ASIC2: variants seen among roughly 807,000 people sequenced by gnomAD.
ASIC2 encodes the protein acid sensing ion channel subunit 2.
In ASIC2, 25 loss-of-function variants were observed where a neutral mutation model predicts 57.3. The observed-to-expected ratio is 0.44, with a 90% CI of 0.32 to 0.61. The LOEUF (loss-of-function observed/expected upper bound fraction) is 0.61, where lower values mean the gene tolerates loss of function less well. ASIC2 is among the 20% of genes least tolerant of loss of function. ASIC2 has a pLI of 0.06. For synonymous variants in ASIC2, 319 were observed against 307.5 expected (o/e 1.04, Z -0.39); for missense variants, 641 against 738.1 (o/e 0.87, Z 1.52).
intron 1 of ASIC2, among the ~76,000 whole-genome samples, chr17:34,148,539 G>A (rs1283512875): frequency 6.6e-6 from 1 of 152,190 alleles, no homozygotes; most frequent in East Asian, 1.9e-4. Context: ...AGGCCATTTT[G>A]ACATAGAATC....
At chr17:33,206,247 T>C (rs760506775) in intron 1 of ASIC2, among the ~76,000 whole-genome samples, 1 of 152,048 alleles carries the variant, frequency 6.6e-6, no homozygotes, top group Non-Finnish European at 1.5e-5. Flanking sequence ...ACCCATTTGG[T>C]GATGAGGTCG....
chr17:33,312,967 G>A (rs142257743), intron 1 of ASIC2, among the ~76,000 whole-genome samples: 2 of 152,260 alleles, frequency 1.3e-5, no homozygotes, highest in African/African-American at 2.4e-5. Context: ...AAAAACTCAC[G>A]ATCTTCCATA....
At chr17:33,559,216 C>T (rs893524961) in intron 1 of ASIC2, among the ~76,000 whole-genome samples, 5 of 152,166 alleles carry the variant, frequency 3.3e-5, no homozygotes, top group Non-Finnish European at 7.3e-5. Flanking sequence ...CATAACAGCC[C>T]TTCCTGGTAA....
At chr17:33,286,703 C>T (rs770571960) in intron 1 of ASIC2, among the ~76,000 whole-genome samples, 1 of 152,148 alleles carries the variant, frequency 6.6e-6, no homozygotes, top group Non-Finnish European at 1.5e-5. Context: ...TGAGATACCA[C>T]CTCCTCCAAT....
chr17:33,577,620 G>C (rs1328638210), intron 1 of ASIC2, among the ~76,000 whole-genome samples: 1 of 152,100 alleles, frequency 6.6e-6, no homozygotes, highest in Non-Finnish European at 1.5e-5. Context: ...CCAACCACAG[G>C]GGATTTGGGT....
chr17:33,164,106 T>C (rs896170288), intron 1 of ASIC2, among the ~76,000 whole-genome samples: 2 of 152,204 alleles, frequency 1.3e-5, no homozygotes, highest in Non-Finnish European at 2.9e-5. Flanking sequence ...TGACACACTT[T>C]GCTGCTTCGC....
intron 1 of ASIC2, among the ~76,000 whole-genome samples, chr17:33,591,971 C>T (rs984391158): frequency 2.6e-5 from 4 of 152,240 alleles, no homozygotes; most frequent in South Asian, 2.1e-4. Context: ...TGCCTCTGCT[C>T]CTATACCTAA....
At chr17:33,978,735 T>A (rs1396031305) in intron 1 of ASIC2, among the ~76,000 whole-genome samples, 1 of 152,138 alleles carries the variant, frequency 6.6e-6, no homozygotes, top group Admixed American at 6.5e-5. Context: ...TGTCTGCAGA[T>A]GCCTCCAACC....
At chr17:33,723,193 A>G (rs1037528118) in intron 1 of ASIC2, among the ~76,000 whole-genome samples, 1 of 152,230 alleles carries the variant, frequency 6.6e-6, no homozygotes, top group Non-Finnish European at 1.5e-5. Context: ...AAAATACCTC[A>G]CAGCAATAGA....
At chr17:33,470,824 T>C (rs1024638921) in intron 1 of ASIC2, among the ~76,000 whole-genome samples, 1 of 152,224 alleles carries the variant, frequency 6.6e-6, no homozygotes, top group African/African-American at 2.4e-5. Flanking sequence ...TCACCTGTAG[T>C]CTCTGTACTT....
In ASIC2 at chr17:34,008,467, C is replaced by A. The variant is rs149498539; in HGVS notation, c.555+147511G>T. On this transcript the variant is annotated intron_variant, in intron 1 of 9. Coordinates refer to the ASIC2 transcript ENST00000359872. ...TAGAGTGATTCTAGGGCAAGAAAAT[C>A]ATCTCTTCTTGCAAATGACTGGTAT... Among the ~76,000 whole-genome samples, 523 of 152,306 alleles carry A rather than the reference C, an allele frequency of 3.4e-3. 3 individuals are homozygous for A. Among genetic ancestry groups the A allele is most frequent in the Non-Finnish European group, 5.9e-3 (401 of 68,030 alleles).
intron 1 of ASIC2, among the ~76,000 whole-genome samples, chr17:33,842,028 T>C (rs755633125): frequency 6.6e-6 from 1 of 151,990 alleles, no homozygotes; most frequent in South Asian, 2.1e-4. Flanking sequence ...GCCTTATGTA[T>C]GGTCCAGTGG....
intron 1 of ASIC2, among the ~76,000 whole-genome samples, chr17:33,362,823 T>A (rs1326975149): frequency 6.6e-6 from 1 of 152,218 alleles, no homozygotes; most frequent in Non-Finnish European, 1.5e-5. Context: ...TGTTTGAGCA[T>A]CTACTGAATA....
intron 1 of ASIC2, among the ~76,000 whole-genome samples, chr17:33,768,071 C>T (rs1175046968): frequency 1.3e-5 from 2 of 151,620 alleles, no homozygotes; most frequent in Non-Finnish European, 2.9e-5. Context: ...TGCAGTGGCG[C>T]GATCTCGGCT....
At chr17:33,247,598 A>T (rs1310432872) in intron 1 of ASIC2, among the ~76,000 whole-genome samples, 1 of 152,216 alleles carries the variant, frequency 6.6e-6, no homozygotes, top group East Asian at 1.9e-4. Flanking sequence ...GCTTTCAGAA[A>T]ATCAAGGTAG....
chr17:33,191,289 C>A (rs55916545), intron 1 of ASIC2, among the ~76,000 whole-genome samples: 39,946 of 152,002 alleles, frequency 0.26, 7,559 homozygotes, highest in African/African-American at 0.52. Context: ...CTAATCTACA[C>A]TGACAGAGAC....
At chr17:34,086,045 C>T (rs906842067) in intron 1 of ASIC2, among the ~76,000 whole-genome samples, 1 of 151,156 alleles carries the variant, frequency 6.6e-6, no homozygotes, top group Non-Finnish European at 1.5e-5. Flanking sequence ...TCCTTCAGTT[C>T]TGCTCTGATT....
intron 1 of ASIC2, among the ~76,000 whole-genome samples, chr17:33,389,290 A>G (rs2075665595): frequency 6.6e-6 from 1 of 152,158 alleles, no homozygotes; most frequent in African/African-American, 2.4e-5. Flanking sequence ...ACGCAAACAG[A>G]TGGCACAATG....
At chr17:34,073,143 A>AT in intron 1 of ASIC2, among the ~76,000 whole-genome samples, 1 of 152,276 alleles carries the variant, frequency 6.6e-6, no homozygotes, top group East Asian at 1.9e-4. Context: ...TTTTTCTATA[A>AT]AGAGTCATAT....
Sources: allele counts gnomAD v4.1 joint callset (sites outside exome capture counted in the v4.1 genomes callset), GRCh38; gene constraint gnomAD v4.1.1; transcripts MANE v1.5; gene names NCBI Gene and HGNC (gene_info 2026-07-23, HGNC 2026-07-21).